Variants in PKHD1L1 observed in about 807,000 individuals in gnomAD.
PKHD1L1 encodes the protein PKHD1 like 1, also known as fibrocystin-L.
PKHD1L1 carries 434 observed loss-of-function variants against 462.9 expected under a neutral mutation model. The observed-to-expected ratio is 0.94, with a 90% confidence interval of 0.87 to 1.02. The LOEUF is 1.02. Ranked by LOEUF, PKHD1L1 falls within the 50% of genes least tolerant of loss-of-function variation. The pLI, the probability that PKHD1L1 is intolerant of heterozygous loss-of-function variation, is 0.00. For synonymous variants in PKHD1L1, 1,781 were observed against 1,750.0 expected, an observed-to-expected ratio of 1.02 and a Z score of -0.44; for missense variants, 5,202 against 5,096.1, an observed-to-expected ratio of 1.02 and a Z score of -0.63.
intron 50 of PKHD1L1, among the ~76,000 whole-genome samples, chr8:109,471,640 C>T (rs1817725439): frequency 6.6e-6 from 1 of 152,186 alleles, no homozygotes; most frequent in Non-Finnish European, 1.5e-5. Context: ...TGTGGCAAAA[C>T]ATATACCGCC....
Position 109,464,880 on chromosome 8 carries a change from T to A in PKHD1L1, c.8048T>A (p.Ile2683Asn). 6.2e-7 allele frequency: 1 copy of A among 1,613,796 alleles called. No individual in the cohort carries two copies. The highest frequency in any genetic ancestry group is 2.2e-5 in the East Asian group (1 of 44,860). ...ATGGTGAATAACTATGAGGCTGGAA[T>A]TGAGACTAAGAGGATCCTGGCTCCT... ...FVMVNNYEAG[I>N]ETKRILAPYV... The change falls in exon 49 of 78, where the codon ATT becomes AAT. Residue 2683 changes from isoleucine to asparagine, a missense_variant. By Grantham distance (149) the Ile-to-Asn change is moderately radical. Transcript: ENST00000378402.
chr8:109,451,206 C>A, intron 41 of PKHD1L1, 57 bp downstream of exon 41: 1 of 1,490,294 alleles, frequency 6.7e-7, no homozygotes, highest in South Asian at 1.3e-5. Context: ...AGCCATTACT[C>A]CTGCTTTCTC....
Position 109,409,974 on chromosome 8 carries a change from A to T in PKHD1L1, c.2081A>T (p.Asn694Ile). 2 of 1,513,802 alleles carry T rather than the reference A, an allele frequency of 1.3e-6. No individual in the cohort carries two copies. The highest frequency in any genetic ancestry group is 1.8e-6 in the Non-Finnish European group (2 of 1,105,496). The allele number at this position is 1,513,802 out of a possible 1,614,324, so 93.8% of individuals were successfully genotyped here. A position where few individuals can be genotyped will look rare whatever the true frequency, so the allele number is the denominator to read the frequency against. The change falls in exon 19 of 78, where the codon AAT becomes ATT. Residue 694 changes from asparagine (N) to isoleucine (I), a missense_variant. Physicochemically the swap from Asn to Ile is moderately radical, Grantham distance 149. Transcript: ENST00000378402. ...TTCAGAGACTATGAAACTGATTTTA[A>T]TCTGGTATGAAATATTTAATGAACT... ...KYFRDYETDFNLEHINRGQKT... is the reference protein window; with the variant it reads ...KYFRDYETDFILEHINRGQKT...
chr8:109,490,033 T>C lies in PKHD1L1; in HGVS notation c.9962T>C (p.Val3321Ala), dbSNP rs759783161. ...FRDSTDPRYA[V>A]TFLNLGQIQE... ...GATAGCACAGATCCAAGATATGCTGTAACGTTTCTTAACCTAGGACAGGTT... is the reference window on the plus strand; with the variant it reads ...GATAGCACAGATCCAAGATATGCTGCAACGTTTCTTAACCTAGGACAGGTT... The change falls in exon 60 of 78, where the codon GTA becomes GCA. Residue 3321 changes from valine to alanine, a missense_variant. Val to Ala is a moderately conservative substitution (Grantham distance 64). This residue lies in a region of PKHD1L1 where 4,497 missense variants were observed against 4,336.8 expected (regional missense o/e 1.04). Transcript: ENST00000378402. 1.2e-6 allele frequency: 2 copies of C among 1,604,328 alleles called. No homozygotes were observed. The highest frequency in any genetic ancestry group is 1.7e-6 in the Non-Finnish European group (2 of 1,172,802).
chr8:109,428,917 T>C (rs1405997051), intron 25 of PKHD1L1, among the ~76,000 whole-genome samples: 1 of 152,146 alleles, frequency 6.6e-6, no homozygotes, highest in Admixed American at 6.6e-5. Context: ...AGGTAAAAAA[T>C]GATACAAGGA....
intron 2 of PKHD1L1, among the ~76,000 whole-genome samples, chr8:109,378,290 G>A (rs1380525588): frequency 6.6e-6 from 1 of 152,112 alleles, no homozygotes; most frequent in Non-Finnish European, 1.5e-5. Flanking sequence ...ACAGCAGCTA[G>A]TGAATCTTAG....
chr8:109,474,809 A>C lies in PKHD1L1; in HGVS notation c.8606-309A>C, dbSNP rs187006236. On this transcript the variant is annotated intron_variant, in intron 50 of 77. Transcript: ENST00000378402. ...AGCAGTTGTAATTTCACAATGTTTC[A>C]AGTGTATCTTTCCCTAAGGAATAAA... Among the ~76,000 whole-genome samples, 15 of 152,228 alleles carry C rather than the reference A, an allele frequency of 9.9e-5. No individual in the cohort carries two copies. In the East Asian group the frequency reaches 1.9e-3, roughly 20 times the overall value.
In PKHD1L1 at chr8:109,518,189, T is replaced by C; in HGVS notation, c.11712T>C (p.Asp3904=). Residue 3904 remains aspartate, a synonymous_variant, in exon 73 of 78, where the codon GAT becomes GAC. Transcript: ENST00000378402. The part of the protein sequence containing the change: ...LYKDQFLPNL[D]STVLGENYFD... Reference sequence around the variant, plus strand: ...TAGACCAATTCCTTCCTAACCTGGATTCCACTGTCCTTGGTGAAAACTACT... The same window carrying C: ...TAGACCAATTCCTTCCTAACCTGGACTCCACTGTCCTTGGTGAAAACTACT... 1 of 1,596,780 alleles carries C rather than the reference T, an allele frequency of 6.3e-7. No individual in the cohort carries two copies. The highest frequency in any genetic ancestry group is 8.6e-7 in the Non-Finnish European group (1 of 1,166,558).
At chr8:109,386,430 C>G (rs1206927790) in intron 6 of PKHD1L1, among the ~76,000 whole-genome samples, 1 of 152,038 alleles carries the variant, frequency 6.6e-6, no homozygotes, top group East Asian at 1.9e-4. Flanking sequence ...CAGATAGACA[C>G]TCAGCAATTA....
At chr8:109,529,933 C>A in intron 77 of PKHD1L1, 147 bp from the exon 78 acceptor site, 1 of 406,376 alleles carries the variant, frequency 2.5e-6, no homozygotes, top group Non-Finnish European at 4.2e-6. Flanking sequence ...AAAACCATTA[C>A]TGATTCTAAC....
rs1246135939 is a variant in PKHD1L1 at position 109,535,829 on chromosome 8, G to A, written c.*5739G>A. On this transcript the variant is annotated 3_prime_UTR_variant, in exon 78 of 78. Coordinates refer to ENST00000378402, the MANE Select transcript of PKHD1L1 (RefSeq NM_177531.6). The stretch of plus-strand genomic sequence containing the variant: ...GTGCTGAAATGATGGACACTGAGAA[G>A]AAAGAATAGACAAAACTTGGCAACA... Among the ~76,000 whole-genome samples, 2 of 152,132 alleles carry A rather than the reference G, an allele frequency of 1.3e-5. No individual in the cohort carries two copies. The highest frequency in any genetic ancestry group is 2.9e-5 in the Non-Finnish European group (2 of 68,016).
intron 49 of PKHD1L1, 147 bp downstream of exon 49, chr8:109,465,392 AC>A: frequency 1.2e-6 from 1 of 863,250 alleles, no homozygotes; most frequent in Non-Finnish European, 1.7e-6. Flanking sequence ...AGAGGCAAGC[AC>A]CAGGCACAGA....
chr8:109,459,496 T>C (rs994120816), intron 46 of PKHD1L1, 99 bp from the exon 47 acceptor site: 1 of 900,586 alleles, frequency 1.1e-6, no homozygotes, highest in Admixed American at 3.4e-5. Context: ...TAGTTTCCTA[T>C]TTTGCAGAGT....
chr8:109,447,326 C>T (rs1169069591), intron 38 of PKHD1L1, among the ~76,000 whole-genome samples: 1 of 152,158 alleles, frequency 6.6e-6, no homozygotes, highest in Non-Finnish European at 1.5e-5. Context: ...TTTAAGCAAT[C>T]CTCACTATGG....
rs779762670 is a variant in PKHD1L1 at position 109,451,037 on chromosome 8, A to C, written c.6238A>C (p.Met2080Leu). The C allele has an allele frequency of 6.2e-7, 1 of 1,613,898 alleles. No individual in the cohort carries two copies. Among genetic ancestry groups the C allele is most frequent in the East Asian group, 2.2e-5 (1 of 44,880 alleles). ...TAATGGGAAAGATTTGTCACAGTCC[A>C]TGACTCCGTTTACGTACGCAGTGTC... ...VVNGKDLSQS[M>L]TPFTYAVSLT... The change falls in exon 41 of 78, where the codon ATG becomes CTG. Residue 2080 changes from methionine (M) to leucine (L), a missense_variant. By Grantham distance (15) the Met-to-Leu change is conservative. Coordinates refer to ENST00000378402, the MANE Select transcript of PKHD1L1 (RefSeq NM_177531.6).
Position 109,483,534 on chromosome 8 carries a change from TATGTAA to T in PKHD1L1, c.9576+430_9576+435del, listed in dbSNP as rs1292478485. ...AGTCATATTATTTTATATTAATATA[TATGTAA>T]GTCATAAGAAAAATATGAATATTTT... On this transcript the variant is annotated intron_variant, in intron 57 of 77. Transcript: ENST00000378402. Among the ~76,000 whole-genome samples, 12 of 64,950 alleles carry T rather than the reference TATGTAA, an allele frequency of 1.8e-4. 1 individual carries two copies. Among genetic ancestry groups the T allele is most frequent in the South Asian group, 1.8e-3 (2 of 1,116 alleles). The allele number at this position is 64,950 out of a possible 152,430, so 42.6% of individuals were successfully genotyped here. A position where few individuals can be genotyped will look rare whatever the true frequency, so the allele number is the denominator to read the frequency against.
Position 109,510,573 on chromosome 8 carries a change from T to G in PKHD1L1, c.11396-204T>G, listed in dbSNP as rs151236117. Among the ~76,000 whole-genome samples the G allele has an allele frequency of 9.2e-3, 1,403 of 152,266 alleles. 7 individuals carry two copies. The highest frequency in any genetic ancestry group is 0.017 in the Middle Eastern group (5 of 294). On this transcript the variant is annotated intron_variant, in intron 70 of 77. Transcript: ENST00000378402. The stretch of plus-strand genomic sequence containing the variant: ...GTAAAAGTAGGGTGATAGGAAGAAG[T>G]TTCTTCCCTGCCTTCCTTTTTAAGC...
intron 50 of PKHD1L1, among the ~76,000 whole-genome samples, chr8:109,474,416 C>T (rs1817877149): frequency 6.6e-6 from 1 of 152,102 alleles, no homozygotes; most frequent in South Asian, 2.1e-4. Context: ...GTGACCAAAG[C>T]ATTACTAAAT....
intron 36 of PKHD1L1, 102 bp downstream of exon 36, chr8:109,443,218 T>C: frequency 1.8e-6 from 2 of 1,108,200 alleles, no homozygotes; most frequent in African/African-American, 1.5e-5. Context: ...TGTGCTTCTA[T>C]CTTACTAGCC....
Sources: allele counts gnomAD v4.1 joint callset (sites outside exome capture counted in the v4.1 genomes callset), GRCh38; gene constraint gnomAD v4.1.1; regional missense constraint gnomAD v4.1.1; transcripts MANE v1.5; gene names NCBI Gene and HGNC (gene_info 2026-07-23, HGNC 2026-07-21).